Variants in KCNMB2 observed in about 807,000 individuals in gnomAD.
KCNMB2 encodes potassium calcium-activated channel subfamily M regulatory beta subunit 2.
KCNMB2 carries 9 observed loss-of-function variants against 24.5 expected under a neutral mutation model. That is an observed-to-expected ratio of 0.37 (90% CI 0.22 to 0.64). KCNMB2 has a LOEUF of 0.64. Ranked by LOEUF, KCNMB2 falls within the 30% of genes least tolerant of loss-of-function variation. KCNMB2 has a pLI of 0.63. For missense variants in KCNMB2, 226 were observed against 284.3 expected, an observed-to-expected ratio of 0.79 and a Z score of 1.47; for synonymous variants, 109 against 104.4, an observed-to-expected ratio of 1.04 and a Z score of -0.27.
At chr3:178,637,675 A>G (rs531832591) in intron 1 of KCNMB2, among the ~76,000 whole-genome samples, 1 of 152,328 alleles carries the variant, frequency 6.6e-6, no homozygotes, top group African/African-American at 2.4e-5. Context: ...TAGATGGTTT[A>G]TGAAGAAACC....
intron 1 of KCNMB2, among the ~76,000 whole-genome samples, chr3:178,591,570 C>A (rs1185614153): frequency 6.6e-6 from 1 of 152,152 alleles, no homozygotes; most frequent in Admixed American, 6.6e-5. Flanking sequence ...GAAGGGGGTA[C>A]TCAGCCAGAC....
intron 1 of KCNMB2, among the ~76,000 whole-genome samples, chr3:178,759,616 C>T (rs868392066): frequency 8.6e-6 from 1 of 116,914 alleles, no homozygotes; most frequent in East Asian, 2.5e-4. Flanking sequence ...GATATATATA[C>T]ATATATCTCT....
At chr3:178,807,894 T>C (rs1403824673) in intron 2 of KCNMB2, among the ~76,000 whole-genome samples, 2 of 151,726 alleles carry the variant, frequency 1.3e-5, no homozygotes, top group Admixed American at 6.6e-5. Context: ...ATTAATTTTA[T>C]TAACAACAAA....
chr3:178,636,876 C>G (rs1719545038), intron 1 of KCNMB2, among the ~76,000 whole-genome samples: 1 of 152,058 alleles, frequency 6.6e-6, no homozygotes, highest in Non-Finnish European at 1.5e-5. Context: ...CCCAACAGAC[C>G]ACAGTGTGTG....
chr3:178,579,286 A>C (rs1199303248), intron 1 of KCNMB2, among the ~76,000 whole-genome samples: 1 of 152,226 alleles, frequency 6.6e-6, no homozygotes, highest in Non-Finnish European at 1.5e-5. Context: ...TAAAAATGAA[A>C]TTATGGCAAA....
intron 2 of KCNMB2, among the ~76,000 whole-genome samples, chr3:178,809,118 A>C (rs1456416886): frequency 6.6e-6 from 1 of 152,218 alleles, no homozygotes; most frequent in Non-Finnish European, 1.5e-5. Context: ...GTAACACTAT[A>C]AAATTTCATA....
chr3:178,617,931 C>T (rs189923567), intron 1 of KCNMB2, among the ~76,000 whole-genome samples: 54 of 149,236 alleles, frequency 3.6e-4, no homozygotes, highest in South Asian at 4.2e-4. Context: ...CAAAAGTAAT[C>T]GTCCTTCACA....
chr3:178,723,859 T>C (rs1463673951), intron 1 of KCNMB2, among the ~76,000 whole-genome samples: 14 of 152,186 alleles, frequency 9.2e-5, no homozygotes, highest in Admixed American at 7.2e-4. Flanking sequence ...ATGGTGTATG[T>C]ATACTGTTCT....
chr3:178,784,106 C>T (rs893696398), intron 1 of KCNMB2, among the ~76,000 whole-genome samples: 6 of 152,146 alleles, frequency 3.9e-5, no homozygotes, highest in Non-Finnish European at 7.4e-5. Flanking sequence ...AGCCTATGGG[C>T]AAAGAGGCAG....
intron 1 of KCNMB2, among the ~76,000 whole-genome samples, chr3:178,546,886 G>A (rs1032418811): frequency 4.6e-5 from 7 of 152,234 alleles, no homozygotes; most frequent in Non-Finnish European, 1.0e-4. Flanking sequence ...AAAGTCTACT[G>A]TAGTAATCCA....
chr3:178,731,766 G>C lies in KCNMB2; in HGVS notation c.-67-75577G>C, dbSNP rs374837246. 7.2e-5 allele frequency among the ~76,000 whole-genome samples: 11 copies of C among 152,240 alleles called. No homozygotes were observed. The South Asian group carries it at 2.3e-3, about 32-fold the overall frequency. On this transcript the variant is annotated intron_variant, in intron 1 of 4. Coordinates refer to ENST00000452583, the MANE Select transcript of KCNMB2 (RefSeq NM_181361.3). ...TAAAAATACAAAATGAGCCTGCCATGGTGGCACATGCCTGTAATCCCAGCT... is the reference window on the plus strand; with the variant it reads ...TAAAAATACAAAATGAGCCTGCCATCGTGGCACATGCCTGTAATCCCAGCT...
intron 1 of KCNMB2, among the ~76,000 whole-genome samples, chr3:178,579,625 C>G (rs1717124444): frequency 6.6e-6 from 1 of 151,824 alleles, no homozygotes; most frequent in Admixed American, 6.6e-5. Flanking sequence ...GACCACTCTC[C>G]AGGCTAATAA....
rs534804291 is a variant in KCNMB2, at chr3:178,843,021, C to T, written c.*84C>T. 3.1e-5 allele frequency: 36 copies of T among 1,176,906 alleles called. No homozygotes were observed. Among genetic ancestry groups the T allele is most frequent in the South Asian group, 1.3e-4 (9 of 66,726 alleles). The allele number at this position is 1,176,906 out of a possible 1,614,324, so 72.9% of individuals were successfully genotyped here. A position where few individuals can be genotyped will look rare whatever the true frequency, so the allele number is the denominator to read the frequency against. ...TCACCAAAGAACCTTAAGTTTGTAA[C>T]GTGCAGTCTGTTATGAGTTCCCTAA... On this transcript the variant is annotated 3_prime_UTR_variant, in exon 5 of 5. Transcript: ENST00000452583.
chr3:178,701,090 G>A lies in KCNMB2; in HGVS notation c.-67-106253G>A, dbSNP rs148628214. On this transcript the variant is annotated intron_variant, in intron 1 of 4. Coordinates refer to ENST00000452583, the MANE Select transcript of KCNMB2 (RefSeq NM_181361.3). ...TCTTCTAAGGTTTTTATGGTTTTAGGTCTAACATTTAAGCCTTTAATCCAT... is the reference window on the plus strand; with the variant it reads ...TCTTCTAAGGTTTTTATGGTTTTAGATCTAACATTTAAGCCTTTAATCCAT... 2.3e-3 allele frequency among the ~76,000 whole-genome samples: 350 copies of A among 152,272 alleles called. 11 individuals carry two copies. In the East Asian group the frequency reaches 0.05, roughly 22 times the overall value.
intron 1 of KCNMB2, among the ~76,000 whole-genome samples, chr3:178,644,280 C>T (rs1719830257): frequency 6.6e-6 from 1 of 152,196 alleles, no homozygotes; most frequent in Non-Finnish European, 1.5e-5. Context: ...TGTGCAAAGG[C>T]ACTGAGAGAG....
chr3:178,605,234 C>G (rs1718230859), intron 1 of KCNMB2, among the ~76,000 whole-genome samples: 2 of 152,068 alleles, frequency 1.3e-5, no homozygotes. Flanking sequence ...GCTCTCTCAC[C>G]CTCTTTCATC....
chr3:178,742,789 C>A (rs139388657), intron 1 of KCNMB2, among the ~76,000 whole-genome samples: 2 of 152,130 alleles, frequency 1.3e-5, no homozygotes, highest in Non-Finnish European at 2.9e-5. Context: ...GACGGCCTCA[C>A]ACACCTTGGA....
chr3:178,630,582 G>C (rs1250892510), intron 1 of KCNMB2, among the ~76,000 whole-genome samples: 3 of 152,238 alleles, frequency 2.0e-5, no homozygotes, highest in Non-Finnish European at 2.9e-5. Flanking sequence ...GGTTGTGCCA[G>C]TTTCTGGTTT....
intron 1 of KCNMB2, among the ~76,000 whole-genome samples, chr3:178,613,731 T>G (rs909178796): frequency 1.3e-5 from 2 of 152,184 alleles, no homozygotes; most frequent in African/African-American, 4.8e-5. Flanking sequence ...GTTTCTGTCT[T>G]CTTGATGCTT....
Sources: gnomAD v4.1 joint callset for allele counts (sites outside exome capture counted in the v4.1 genomes callset) on GRCh38, gnomAD v4.1.1 for gene constraint, MANE v1.5 for transcripts, NCBI Gene and HGNC (gene_info 2026-07-23, HGNC 2026-07-21) for gene names.